The following PCDHGA8 variants were observed in gnomAD, a reference collection of about 807,000 sequenced individuals.
The protein encoded by PCDHGA8 is protocadherin gamma subfamily A, 8.
A neutral mutation model predicts 59.2 loss-of-function variants in PCDHGA8; 45 were observed. The ratio of observed to expected loss-of-function variants is 0.76; its 90% confidence interval spans 0.60 to 0.98. PCDHGA8 has a LOEUF of 0.98. PCDHGA8 is among the 50% of genes least tolerant of loss of function. The pLI is 0.00. For missense variants in PCDHGA8, 1,257 were observed against 1,196.2 expected, an observed-to-expected ratio of 1.05 and a Z score of -0.75; for synonymous variants, 531 against 519.0, an observed-to-expected ratio of 1.02 and a Z score of -0.32.
chr5:141,410,018 T>C (rs773806211), intron 1 of PCDHGA8: 1 of 1,613,166 alleles, frequency 6.2e-7, no homozygotes, highest in African/African-American at 1.3e-5. Context: ...CTGGCTGTCC[T>C]ACCACGTGCT....
At chr5:141,428,184 C>A in intron 1 of PCDHGA8, 32 of 1,463,670 alleles carry the variant, frequency 2.2e-5, no homozygotes, top group Non-Finnish European at 3.0e-5. Context: ...GGAGGACAGC[C>A]GCCGCTCTCT....
intron 1 of PCDHGA8, chr5:141,428,285 C>CA (rs2097130658): frequency 2.7e-6 from 2 of 734,934 alleles, no homozygotes; most frequent in Non-Finnish European, 4.7e-6. Context: ...GATTCCCAAG[C>CA]AAAGCTGCAG....
intron 2 of PCDHGA8, among the ~76,000 whole-genome samples, chr5:141,502,783 G>A (rs2099816035): frequency 6.6e-6 from 1 of 151,652 alleles, no homozygotes; most frequent in African/African-American, 2.4e-5. Context: ...AAAATTACCT[G>A]GATGATTTCT....
intron 1 of PCDHGA8, chr5:141,414,424 G>C (rs762669763): frequency 1.2e-6 from 2 of 1,613,846 alleles, no homozygotes; most frequent in Non-Finnish European, 1.7e-6. Context: ...CCTTGACAGG[G>C]AACAGGTATC....
At chr5:141,452,003 T>C (rs1031228207) in intron 1 of PCDHGA8, among the ~76,000 whole-genome samples, 2 of 152,210 alleles carry the variant, frequency 1.3e-5, no homozygotes, top group Non-Finnish European at 2.9e-5. Context: ...CAAAATCACT[T>C]GGTCCAGCCC....
At position 141,489,748 on chromosome 5, in the gene PCDHGA8, T is replaced by C. The variant is rs763688648; in HGVS notation, c.2425-5059T>C. On this transcript the variant is annotated intron_variant, in intron 1 of 3. Transcript: ENST00000398604. The surrounding 1 kb of genome is among the most constrained non-coding windows in gnomAD (Gnocchi z 4.5). ...TGTGGGCACCAATACTGTGAGCTTT[T>C]ACACTCTAAGCCCCAACAGCCACTT... is the stretch of plus-strand genomic sequence containing the variant. The C allele has an allele frequency of 1.8e-5, 29 of 1,614,038 alleles. No homozygotes were observed. Among genetic ancestry groups the C allele is most frequent in the Non-Finnish European group, 1.6e-5 (19 of 1,180,010 alleles).
At chr5:141,442,754 T>C (rs2098341364) in intron 1 of PCDHGA8, among the ~76,000 whole-genome samples, 1 of 152,220 alleles carries the variant, frequency 6.6e-6, no homozygotes, top group Non-Finnish European at 1.5e-5. Flanking sequence ...GTTTTGATTA[T>C]ATATATTTGT....
chr5:141,476,929 G>T lies in PCDHGA8; in HGVS notation c.2425-17878G>T, dbSNP rs1375082202. 6.2e-7 allele frequency: 1 copy of T among 1,614,136 alleles called. No homozygotes were observed. Among genetic ancestry groups the T allele is most frequent in the Admixed American group, 1.7e-5 (1 of 60,034 alleles). On this transcript the variant is annotated intron_variant, in intron 1 of 3. Transcript: ENST00000398604. This position sits in a 1 kb window ranked among gnomAD's most constrained non-coding sequence, Gnocchi z 7.6. ...TGGTACAAGTCCTTGCAACGGATCT[G>T]GATGAAGGCCCCAACGGTGAAATTA...
chr5:141,476,843 G>A lies in PCDHGA8; in HGVS notation c.2425-17964G>A, dbSNP rs2099399765. On this transcript the variant is annotated intron_variant, in intron 1 of 3. Transcript: ENST00000398604. The surrounding 1 kb of genome is among the most constrained non-coding windows in gnomAD (Gnocchi z 7.6). ...GCTGGACGCGAATGACAATGCGCCT[G>A]TCTTCAACCAGTCCTTGTACCGGGC... 1 of 1,613,706 alleles carries A rather than the reference G, an allele frequency of 6.2e-7. No individual in the cohort carries two copies. Among genetic ancestry groups the A allele is most frequent in the Non-Finnish European group, 8.5e-7 (1 of 1,180,046 alleles).
chr5:141,462,471 C>T (rs1464947091), intron 1 of PCDHGA8, among the ~76,000 whole-genome samples: 1 of 152,020 alleles, frequency 6.6e-6, no homozygotes, highest in East Asian at 1.9e-4. Context: ...GTGTATTCTG[C>T]TTCTCGTGGT....
At chr5:141,417,052 CTT>C (rs1308339867) in intron 1 of PCDHGA8, 2 of 151,464 alleles carry the variant, frequency 1.3e-5, no homozygotes, top group African/African-American at 4.9e-5. Context: ...AAAAACTGCT[CTT>C]GACATTGTAG....
At chr5:141,399,645 A>C (rs762123604) in intron 1 of PCDHGA8, 8 of 1,613,676 alleles carry the variant, frequency 5.0e-6, no homozygotes, top group Admixed American at 1.7e-5. Flanking sequence ...TGAGCGCGCA[A>C]AGTGGGGTGG....
chr5:141,436,040 C>A (rs989038133), intron 1 of PCDHGA8, among the ~76,000 whole-genome samples: 2 of 152,060 alleles, frequency 1.3e-5, no homozygotes, highest in African/African-American at 4.8e-5. Context: ...TTTGTATTTA[C>A]ATTAGTTTTC....
chr5:141,409,824 C>T (rs1265260597), intron 1 of PCDHGA8: 1 of 1,610,860 alleles, frequency 6.2e-7, no homozygotes, highest in Non-Finnish European at 8.5e-7. Flanking sequence ...GGCTCGCCCA[C>T]GCTCAGCGCC....
chr5:141,426,307 A>G (rs958090236), intron 1 of PCDHGA8: 2 of 172,782 alleles, frequency 1.2e-5, no homozygotes, highest in African/African-American at 4.7e-5. Context: ...GGTGAAGCAG[A>G]GAAGCAGGAC....
rs762979829 is a variant in PCDHGA8, at chr5:141,432,863, T to A, written c.2424+37626T>A. 1 of 1,614,074 alleles carries A rather than the reference T, an allele frequency of 6.2e-7. No individual in the cohort carries two copies. Among genetic ancestry groups the A allele is most frequent in the East Asian group, 2.2e-5 (1 of 44,886 alleles). On this transcript the variant is annotated intron_variant, in intron 1 of 3. Coordinates refer to ENST00000398604, the MANE Select transcript of PCDHGA8 (RefSeq NM_032088.2). The surrounding 1 kb of genome is among the most constrained non-coding windows in gnomAD (Gnocchi z 6.0). ...GGTGGTAGCGGTGGCCGCGGTCTCCTGCGTCTTCCTGGCCTTCGTCATCTT... is the reference window on the plus strand; with the variant it reads ...GGTGGTAGCGGTGGCCGCGGTCTCCAGCGTCTTCCTGGCCTTCGTCATCTT...
chr5:141,414,587 G>C (rs775783880), intron 1 of PCDHGA8: 3 of 1,613,828 alleles, frequency 1.9e-6, no homozygotes, highest in Admixed American at 3.3e-5. Context: ...AACAACGCCA[G>C]GGGTGCCTCC....
chr5:141,450,010 T>A (rs2098664468), intron 1 of PCDHGA8, among the ~76,000 whole-genome samples: 1 of 135,330 alleles, frequency 7.4e-6, no homozygotes, highest in African/African-American at 3.3e-5. Flanking sequence ...ATGTCTCTTT[T>A]TTTTTTTTTT....
chr5:141,409,628 G>T (rs367728235), intron 1 of PCDHGA8: 1 of 1,613,848 alleles, frequency 6.2e-7, no homozygotes. Flanking sequence ...GCAAGTGAGC[G>T]CCTCTGACCC....
Sources: allele counts gnomAD v4.1 joint callset (sites outside exome capture counted in the v4.1 genomes callset), GRCh38; gene constraint gnomAD v4.1.1; non-coding constraint Gnocchi (gnomAD v3.1); transcripts MANE v1.5; gene names NCBI Gene and HGNC (gene_info 2026-07-23, HGNC 2026-07-21).